The following ECPAS variants were observed in gnomAD, a reference collection of about 807,000 sequenced individuals.
ECPAS encodes the protein Ecm29 proteasome adaptor and scaffold, also known as proteasome adapter and scaffold protein ECM29.
Under a neutral mutation model 255.1 loss-of-function variants are expected in ECPAS, and 70 were observed. The observed-to-expected ratio is 0.27, with a 90% CI of 0.23 to 0.33. The LOEUF is 0.33. ECPAS is among the 10% of genes least tolerant of loss of function. The pLI is 1.00. For synonymous variants in ECPAS, 784 were observed against 775.0 expected, an observed-to-expected ratio of 1.01 and a Z score of -0.19; for missense variants, 1,817 against 2,206.4, an observed-to-expected ratio of 0.82 and a Z score of 3.54.
chr9:111,418,126 C>T, intron 16 of ECPAS, 120 bp from the exon 17 acceptor site: 1 of 877,748 alleles, frequency 1.1e-6, no homozygotes, highest in Non-Finnish European at 1.7e-6. Flanking sequence ...GTCTTAAATA[C>T]ATTCTTGGCT....
intron 49 of ECPAS, 137 bp downstream of exon 49, chr9:111,363,451 C>T (rs2098116421): frequency 2.1e-6 from 1 of 473,224 alleles, no homozygotes; most frequent in African/African-American, 2.0e-5. Context: ...TTTGTCCATT[C>T]TTCTTGCATG....
At position 111,454,218 on chromosome 9, in the gene ECPAS, G is replaced by A. The variant is rs531967105; in HGVS notation, c.23-2663C>T. Among the ~76,000 whole-genome samples the A allele has an allele frequency of 2.8e-4, 42 of 148,482 alleles. 1 individual carries two copies. The South Asian group carries it at 5.7e-3, about 20-fold the overall frequency. On this transcript the variant is annotated intron_variant, in intron 2 of 49. Coordinates refer to ENST00000684092, the MANE Select transcript of ECPAS (RefSeq NM_001364929.1). Reference sequence around the variant, plus strand: ...CTGAGCTACAGAAACTGTAAAAGAAGTGTTCTGTGGACAAAGGCAGAAAAT... The same window carrying A: ...CTGAGCTACAGAAACTGTAAAAGAAATGTTCTGTGGACAAAGGCAGAAAAT...
At chr9:111,464,798 A>C (rs1042240362) in intron 2 of ECPAS, among the ~76,000 whole-genome samples, 1 of 152,130 alleles carries the variant, frequency 6.6e-6, no homozygotes, top group Non-Finnish European at 1.5e-5. Context: ...GGGGAGGAGG[A>C]AAGAGAGGAA....
At position 111,422,116 on chromosome 9, in the gene ECPAS, TAGC is replaced by T; in HGVS notation, c.1332+15_1332+17del. ...AACATCCAAACACAAAGCATAAACT[TAGC>T]AGCTGTTTCCCTACCTTGCAAAGGG... On this transcript the variant is annotated intron_variant, in intron 14 of 49. Transcript: ENST00000684092. 6.2e-7 allele frequency: 1 copy of T among 1,613,814 alleles called. No homozygotes were observed. Among genetic ancestry groups the T allele is most frequent in the East Asian group, 2.2e-5 (1 of 44,878 alleles).
At chr9:111,480,287 C>CTTTTTTTTTT (rs1282400347) in intron 1 of ECPAS, among the ~76,000 whole-genome samples, 2 of 113,682 alleles carry the variant, frequency 1.8e-5, no homozygotes, top group African/African-American at 6.8e-5. Context: ...TTAAAAGCAC[C>CTTTTTTTTTT]TTTTCTTTTT....
chr9:111,361,835 G>A lies in ECPAS; in HGVS notation c.*195C>T. ...TCCAAGGTTCCATTAAGCTCACTCAGCCCAGATACTTTAAAAACATAAAGT... is the reference window on the plus strand; with the variant it reads ...TCCAAGGTTCCATTAAGCTCACTCAACCCAGATACTTTAAAAACATAAAGT... On this transcript the variant is annotated 3_prime_UTR_variant, in exon 50 of 50. Coordinates refer to ENST00000684092, the MANE Select transcript of ECPAS (RefSeq NM_001364929.1). The A allele has an allele frequency of 1.9e-6, 1 of 539,506 alleles. No homozygotes were observed. The highest frequency in any genetic ancestry group is 3.0e-6 in the Non-Finnish European group (1 of 328,612). 33.4% of individuals were successfully genotyped at this position (539,506 alleles called of 1,614,324 possible).
chr9:111,468,659 G>C (rs886815183), intron 2 of ECPAS, among the ~76,000 whole-genome samples: 9 of 138,890 alleles, frequency 6.5e-5, no homozygotes, highest in Non-Finnish European at 1.1e-4. Context: ...GAGAGCGAGC[G>C]TGTGTGTGTG....
chr9:111,394,102 C>T, intron 26 of ECPAS, 58 bp downstream of exon 26: 2 of 1,491,326 alleles, frequency 1.3e-6, no homozygotes, highest in East Asian at 2.3e-5. Flanking sequence ...ATATGCTTTC[C>T]TTGCTACTTA....
intron 4 of ECPAS, among the ~76,000 whole-genome samples, chr9:111,444,165 C>T (rs2098249753): frequency 6.6e-6 from 1 of 151,960 alleles, no homozygotes; most frequent in South Asian, 2.1e-4. Flanking sequence ...AAGTAAATAG[C>T]CATTCATTAC....
Position 111,455,031 on chromosome 9 carries a change from G to A in ECPAS, c.23-3476C>T, listed in dbSNP as rs1485639160. Among the ~76,000 whole-genome samples the A allele has an allele frequency of 1.6e-4, 25 of 151,772 alleles. 1 individual carries two copies. Among genetic ancestry groups the A allele is most frequent in the Admixed American group, 1.6e-3 (24 of 15,242 alleles). On this transcript the variant is annotated intron_variant, in intron 2 of 49. Coordinates refer to ENST00000684092, the MANE Select transcript of ECPAS (RefSeq NM_001364929.1). ...ATTACAAGTATGAGCCACTGCACCC[G>A]GCCTAAGTCTTTTGAGTATAGTTAA...
At chr9:111,379,130 C>T (rs1332370537) in intron 35 of ECPAS, among the ~76,000 whole-genome samples, 6 of 152,140 alleles carry the variant, frequency 3.9e-5, no homozygotes, top group Admixed American at 3.3e-4. Flanking sequence ...TACATACAGC[C>T]GCTATTCCCC....
At chr9:111,475,282 C>G (rs536090941) in intron 1 of ECPAS, among the ~76,000 whole-genome samples, 1 of 152,172 alleles carries the variant, frequency 6.6e-6, no homozygotes, top group African/African-American at 2.4e-5. Context: ...AGGTCTGAAA[C>G]GAGAGCTCAG....
chr9:111,417,572 A>G (rs1013748298), intron 17 of ECPAS, among the ~76,000 whole-genome samples: 2 of 151,966 alleles, frequency 1.3e-5, no homozygotes, highest in Non-Finnish European at 2.9e-5. Flanking sequence ...ATGGTGAAAC[A>G]CTGTTTCTAC....
chr9:111,465,519 T>A (rs7030836), intron 2 of ECPAS, among the ~76,000 whole-genome samples: 4 of 151,758 alleles, frequency 2.6e-5, no homozygotes, highest in African/African-American at 9.7e-5. Context: ...CAGCCTGGGC[T>A]ACAAGAGCAA....
At position 111,404,489 on chromosome 9, in the gene ECPAS, C is replaced by T. The variant is rs1251352278; in HGVS notation, c.2652+4082G>A. 2.0e-5 allele frequency among the ~76,000 whole-genome samples: 3 copies of T among 148,858 alleles called. 1 individual carries two copies. The highest frequency in any genetic ancestry group is 7.7e-5 in the African/African-American group (3 of 38,906). On this transcript the variant is annotated intron_variant, in intron 24 of 49. Coordinates refer to ENST00000684092, the MANE Select transcript of ECPAS (RefSeq NM_001364929.1). ...GTAATCCCCAATGTTGGAGGAGAGG[C>T]CTGGTGGGGGGGTGACTGGATCTTG... is the stretch of plus-strand genomic sequence containing the variant.
At chr9:111,465,604 T>C (rs918582189) in intron 2 of ECPAS, among the ~76,000 whole-genome samples, 1 of 150,744 alleles carries the variant, frequency 6.6e-6, no homozygotes, top group African/African-American at 2.4e-5. Context: ...TAAAAGAATA[T>C]ATATATATAT....
intron 24 of ECPAS, among the ~76,000 whole-genome samples, chr9:111,405,041 A>C (rs977578078): frequency 4.7e-5 from 7 of 149,796 alleles, no homozygotes; most frequent in Non-Finnish European, 1.0e-4. Context: ...ACGTTCATCA[A>C]AGCAGAACTA....
chr9:111,416,397 AG>A, intron 17 of ECPAS, 45 bp from the exon 18 acceptor site: 1 of 1,405,282 alleles, frequency 7.1e-7, no homozygotes, highest in South Asian at 1.2e-5. Context: ...TGAAAAATGA[AG>A]CATACCTGCC....
intron 42 of ECPAS, among the ~76,000 whole-genome samples, chr9:111,372,086 AAC>A (rs2098128038): frequency 6.6e-6 from 1 of 152,148 alleles, no homozygotes; most frequent in Non-Finnish European, 1.5e-5. Flanking sequence ...CAAGGTGAAA[AAC>A]ACATTTAGAA....
Sources: gnomAD v4.1 joint callset for allele counts (sites outside exome capture counted in the v4.1 genomes callset) on GRCh38, gnomAD v4.1.1 for gene constraint, MANE v1.5 for transcripts, NCBI Gene and HGNC (gene_info 2026-07-23, HGNC 2026-07-21) for gene names.